Variants in PTPRD observed in about 807,000 individuals in gnomAD.
The protein encoded by PTPRD is receptor-type tyrosine-protein phosphatase delta.
PTPRD carries 34 observed loss-of-function variants against 214.5 expected under a neutral mutation model. That is an observed-to-expected ratio of 0.16 (90% CI 0.12 to 0.21). The LOEUF is 0.21. PTPRD is among the 10% of genes least tolerant of loss of function. PTPRD has a pLI of 1.00. For synonymous variants in PTPRD, 1,128 were observed against 845.7 expected, an observed-to-expected ratio of 1.33 and a Z score of -5.79; for missense variants, 2,545 against 2,398.7, an observed-to-expected ratio of 1.06 and a Z score of -1.27.
chr9:9,663,440 C>T (rs966493086), intron 7 of PTPRD, among the ~76,000 whole-genome samples: 2 of 151,372 alleles, frequency 1.3e-5, no homozygotes, highest in Admixed American at 1.3e-4. Context: ...GGTTTTAACA[C>T]AGAATTCAAC....
At chr9:8,474,663 T>A (rs1386478945) in intron 30 of PTPRD, among the ~76,000 whole-genome samples, 2 of 152,204 alleles carry the variant, frequency 1.3e-5, no homozygotes, top group African/African-American at 4.8e-5. Context: ...AGTAACATTT[T>A]CACTTTCTCC....
intron 4 of PTPRD, among the ~76,000 whole-genome samples, chr9:10,011,339 G>C (rs1453872919): frequency 6.6e-6 from 1 of 151,824 alleles, no homozygotes; most frequent in African/African-American, 2.4e-5. Flanking sequence ...CTTTTCCTTG[G>C]TAGTTAAGTC....
chr9:8,627,909 C>T (rs2096098537), intron 14 of PTPRD, among the ~76,000 whole-genome samples: 2 of 151,902 alleles, frequency 1.3e-5, no homozygotes, highest in Non-Finnish European at 2.9e-5. Context: ...CCACTACCAC[C>T]TTTTCCCAGC....
At chr9:8,617,437 A>C (rs137861205) in intron 14 of PTPRD, among the ~76,000 whole-genome samples, 1 of 152,126 alleles carries the variant, frequency 6.6e-6, no homozygotes, top group Non-Finnish European at 1.5e-5. Context: ...CCTGATGTAC[A>C]TAAGTAATTT....
At position 10,516,911 on chromosome 9, in the gene PTPRD, T is replaced by C. The variant is rs1048524383; in HGVS notation, c.-600+95487A>G. 7.2e-5 allele frequency among the ~76,000 whole-genome samples: 11 copies of C among 151,982 alleles called. 1 individual carries two copies. Among genetic ancestry groups the C allele is most frequent in the African/African-American group, 2.4e-4 (10 of 41,438 alleles). ...TGCGTGCTTTCACTTCTGGATTTGCTATTCTATTTCATTGGCCTATATGTG... is the reference window on the plus strand; with the variant it reads ...TGCGTGCTTTCACTTCTGGATTTGCCATTCTATTTCATTGGCCTATATGTG... On this transcript the variant is annotated intron_variant, in intron 2 of 45. Transcript: ENST00000381196.
chr9:9,524,936 C>A (rs1169843809), intron 8 of PTPRD, among the ~76,000 whole-genome samples: 1 of 152,182 alleles, frequency 6.6e-6, no homozygotes, highest in African/African-American at 2.4e-5. Flanking sequence ...CGGCTCACTG[C>A]AAGCTCCGCC....
chr9:9,280,574 T>C (rs1022990860), intron 9 of PTPRD, among the ~76,000 whole-genome samples: 1 of 151,160 alleles, frequency 6.6e-6, no homozygotes, highest in African/African-American at 2.4e-5. Flanking sequence ...TCTAACAAAA[T>C]ATGTATAAGA....
chr9:9,090,213 C>T (rs2099773557), intron 10 of PTPRD, among the ~76,000 whole-genome samples: 1 of 151,988 alleles, frequency 6.6e-6, no homozygotes, highest in Non-Finnish European at 1.5e-5. Context: ...CTCCCTGGCC[C>T]TCCATACCCT....
At chr9:9,593,713 T>C (rs2093000164) in intron 7 of PTPRD, among the ~76,000 whole-genome samples, 1 of 152,008 alleles carries the variant, frequency 6.6e-6, no homozygotes, top group South Asian at 2.1e-4. Context: ...TAAAGGTCAC[T>C]GAGGAACACA....
At chr9:10,124,379 T>C (rs1218847793) in intron 3 of PTPRD, among the ~76,000 whole-genome samples, 2 of 152,230 alleles carry the variant, frequency 1.3e-5, no homozygotes, top group Non-Finnish European at 2.9e-5. Flanking sequence ...AAGTACACTA[T>C]GCAGCTAAAT....
intron 11 of PTPRD, among the ~76,000 whole-genome samples, chr9:8,949,695 T>C (rs2099091367): frequency 1.3e-5 from 2 of 152,178 alleles, no homozygotes; most frequent in East Asian, 1.9e-4. Context: ...TTAATATTCT[T>C]TATTTAATAA....
intron 3 of PTPRD, among the ~76,000 whole-genome samples, chr9:10,306,466 A>T (rs1274156712): frequency 6.6e-6 from 1 of 152,112 alleles, no homozygotes; most frequent in Non-Finnish European, 1.5e-5. Flanking sequence ...AATGGCTAGT[A>T]AACTTTCTAA....
chr9:8,641,415 T>C (rs763210586), intron 12 of PTPRD, among the ~76,000 whole-genome samples: 8 of 148,536 alleles, frequency 5.4e-5, no homozygotes, highest in Non-Finnish European at 8.8e-5. Context: ...CTAATCACCA[T>C]TGCCATCTAC....
chr9:9,891,240 A>T (rs1333688038), intron 5 of PTPRD, among the ~76,000 whole-genome samples: 1 of 152,080 alleles, frequency 6.6e-6, no homozygotes, highest in Non-Finnish European at 1.5e-5. Flanking sequence ...TGGTATGGGG[A>T]TGGGGATGAG....
At chr9:8,958,977 G>C (rs940794124) in intron 11 of PTPRD, 1 of 149,374 alleles carries the variant, frequency 6.7e-6, no homozygotes, top group Non-Finnish European at 1.5e-5. Flanking sequence ...ATCACATTCA[G>C]CCCAATGTAC....
At chr9:10,035,753 T>C (rs1330818704) in intron 3 of PTPRD, among the ~76,000 whole-genome samples, 1 of 151,866 alleles carries the variant, frequency 6.6e-6, no homozygotes, top group East Asian at 1.9e-4. Context: ...CCAAATATGA[T>C]AGCTTGAGTT....
At chr9:10,120,699 T>A (rs1439405986) in intron 3 of PTPRD, among the ~76,000 whole-genome samples, 1 of 152,002 alleles carries the variant, frequency 6.6e-6, no homozygotes, top group Non-Finnish European at 1.5e-5. Flanking sequence ...ACATAAAAAT[T>A]TAATAAGAAT....
chr9:9,193,956 T>C (rs1262943782), intron 9 of PTPRD, among the ~76,000 whole-genome samples: 2 of 152,178 alleles, frequency 1.3e-5, no homozygotes, highest in Admixed American at 6.6e-5. Context: ...TCTTCTGTAA[T>C]AACAGCTTAA....
intron 8 of PTPRD, among the ~76,000 whole-genome samples, chr9:9,501,345 G>A (rs1180397298): frequency 6.6e-6 from 1 of 151,848 alleles, no homozygotes; most frequent in Non-Finnish European, 1.5e-5. Context: ...GTCAGAAAAA[G>A]TAGGCTTCTA....
Sources: allele counts gnomAD v4.1 joint callset (sites outside exome capture counted in the v4.1 genomes callset), GRCh38; gene constraint gnomAD v4.1.1; transcripts MANE v1.5; gene names NCBI Gene and HGNC (gene_info 2026-07-23, HGNC 2026-07-21).